The following SDK1 variants were observed in gnomAD, a reference collection of about 807,000 sequenced individuals.
The protein encoded by SDK1 is sidekick cell adhesion molecule 1.
Under a neutral mutation model 245.5 loss-of-function variants are expected in SDK1, and 157 were observed. That is an observed-to-expected ratio of 0.64 (90% CI 0.56 to 0.73). The LOEUF (loss-of-function observed/expected upper bound fraction) is 0.73, where lower values mean the gene tolerates loss of function less well. Among genes scored for constraint, SDK1 ranks in the 30% least tolerant of loss-of-function variants. The pLI is 0.00. For synonymous variants in SDK1, 1,647 were observed against 1,278.5 expected, an observed-to-expected ratio of 1.29 and a Z score of -6.15; for missense variants, 3,583 against 3,002.3, an observed-to-expected ratio of 1.19 and a Z score of -4.52.
intron 5 of SDK1, among the ~76,000 whole-genome samples, chr7:3,895,305 A>G (rs371123529): frequency 6.6e-6 from 1 of 152,190 alleles, no homozygotes; most frequent in East Asian, 1.9e-4. Flanking sequence ...TGGTGCTTTC[A>G]TCTTTATAGA....
At chr7:3,340,429 G>C (rs1430236613) in intron 1 of SDK1, among the ~76,000 whole-genome samples, 1 of 152,152 alleles carries the variant, frequency 6.6e-6, no homozygotes, top group Non-Finnish European at 1.5e-5. Context: ...GCTGAAAGCA[G>C]CGTTGTCACT....
In SDK1 at chr7:3,694,828, T is replaced by G. The variant is rs150570887; in HGVS notation, c.713+52723T>G. Among the ~76,000 whole-genome samples the G allele has an allele frequency of 5.0e-3, 763 of 152,264 alleles. 8 individuals carry two copies. The highest frequency in any genetic ancestry group is 0.017 in the African/African-American group (718 of 41,556). ...CATTGCACTAGAACAGGATTCTTAA[T>G]AGTGACATGCAGGCCTTACTGAAAA... On this transcript the variant is annotated intron_variant, in intron 4 of 44. Transcript: ENST00000404826.
intron 2 of SDK1, among the ~76,000 whole-genome samples, chr7:3,630,668 A>T (rs538717627): frequency 2.0e-5 from 3 of 152,302 alleles, no homozygotes; most frequent in African/African-American, 7.2e-5. Context: ...GTACAAAAAA[A>T]TCTGAAGTAA....
chr7:3,448,633 A>G (rs765799180), intron 1 of SDK1, among the ~76,000 whole-genome samples: 3 of 152,164 alleles, frequency 2.0e-5, no homozygotes, highest in Non-Finnish European at 4.4e-5. Flanking sequence ...ACTTCTATAT[A>G]TGGTGAGATA....
At chr7:4,139,567 G>GTGTGTGTGTGTGTGTATATGTA (rs1562871990) in intron 28 of SDK1, among the ~76,000 whole-genome samples, 1 of 12,290 alleles carries the variant, frequency 8.1e-5, no homozygotes, top group African/African-American at 3.4e-4. Flanking sequence ...ATATATGTGT[G>GTGTGTGTGTGTGTGTATATGTA]TATATGTGTG....
rs186522294 is a variant in SDK1, at chr7:3,623,628, T to G, written c.458+4389T>G. ...AGCAAGTTGACGGTAATTCAGCAAT[T>G]AAACTAAGTTTGCATAGATATCTTA... is the stretch of plus-strand genomic sequence containing the variant. On this transcript the variant is annotated intron_variant, in intron 2 of 44. Transcript: ENST00000404826. Among the ~76,000 whole-genome samples, 13 of 152,342 alleles carry G rather than the reference T, an allele frequency of 8.5e-5. No individual in the cohort carries two copies. In the South Asian group the frequency reaches 2.7e-3, roughly 32 times the overall value.
intron 5 of SDK1, among the ~76,000 whole-genome samples, chr7:3,848,004 C>G (rs35261333): frequency 6.6e-6 from 1 of 152,158 alleles, no homozygotes; most frequent in African/African-American, 2.4e-5. Context: ...ATACGTATCA[C>G]ATCTACCCAT....
At chr7:3,582,277 C>G (rs538841216) in intron 1 of SDK1, among the ~76,000 whole-genome samples, 1 of 151,108 alleles carries the variant, frequency 6.6e-6, no homozygotes, top group South Asian at 2.1e-4. Flanking sequence ...AGGTCTCCCT[C>G]AGGTAGGTCT....
chr7:4,033,078 C>T (rs1023778832), intron 17 of SDK1, among the ~76,000 whole-genome samples: 1 of 152,144 alleles, frequency 6.6e-6, no homozygotes, highest in Non-Finnish European at 1.5e-5. Context: ...TTGTAAAGTG[C>T]TGTAACTAAA....
intron 1 of SDK1, among the ~76,000 whole-genome samples, chr7:3,383,934 C>G (rs1781549562): frequency 6.6e-6 from 1 of 152,148 alleles, no homozygotes; most frequent in Non-Finnish European, 1.5e-5. Context: ...ACAACACATT[C>G]TTACATTTCA....
At chr7:4,183,749 C>T (rs7793543) in intron 35 of SDK1, among the ~76,000 whole-genome samples, 1 of 152,112 alleles carries the variant, frequency 6.6e-6, no homozygotes, top group Non-Finnish European at 1.5e-5. Flanking sequence ...GCAGTTTCCA[C>T]CCCCAAACGA....
intron 1 of SDK1, among the ~76,000 whole-genome samples, chr7:3,575,059 C>T (rs1780241419): frequency 6.6e-6 from 1 of 152,018 alleles, no homozygotes; most frequent in Non-Finnish European, 1.5e-5. Context: ...TCCTTTGCCT[C>T]TTACAAGACA....
intron 1 of SDK1, among the ~76,000 whole-genome samples, chr7:3,595,452 A>G (rs532687233): frequency 1.7e-4 from 26 of 152,182 alleles, no homozygotes; most frequent in African/African-American, 5.5e-4. Flanking sequence ...TAAGAGGCAT[A>G]TTTGTATGTA....
rs56704431 is a variant in SDK1 at position 3,630,560 on chromosome 7, C to T, written c.459-8444C>T. The stretch of plus-strand genomic sequence containing the variant: ...TTGAGGCAGGAGAATCCCTTGAACC[C>T]AGGAGGCAGAGATTGCAGTGAGCCG... On this transcript the variant is annotated intron_variant, in intron 2 of 44. Coordinates refer to ENST00000404826, the MANE Select transcript of SDK1 (RefSeq NM_152744.4). Among the ~76,000 whole-genome samples the T allele has an allele frequency of 3.2e-3, 480 of 152,202 alleles. 19 individuals are homozygous for T. In the East Asian group the frequency reaches 0.066, roughly 21 times the overall value.
Position 4,241,841 on chromosome 7 carries a change from G to A in SDK1, c.6179G>A (p.Gly2060Glu), listed in dbSNP as rs778883941. Residue 2060 changes from glycine (G) to glutamate (E), a missense_variant, in exon 43 of 45, where the codon GGA becomes GAA. Transcript: ENST00000404826. ...MEESVTLDNG[G>E]FAALELSSRH... Reference sequence around the variant, plus strand: ...GAGTCTGTGACCCTGGACAACGGAGGATTTGCTGCCCTGGAGCTCAGCAGC... The same window carrying A: ...GAGTCTGTGACCCTGGACAACGGAGAATTTGCTGCCCTGGAGCTCAGCAGC... 10 of 1,614,028 alleles carry A rather than the reference G, an allele frequency of 6.2e-6. No individual in the cohort carries two copies. In the Admixed American group the frequency reaches 1.7e-4, roughly 27 times the overall value.
chr7:4,136,236 G>A (rs1779081972), intron 28 of SDK1, among the ~76,000 whole-genome samples: 1 of 152,210 alleles, frequency 6.6e-6, no homozygotes, highest in Non-Finnish European at 1.5e-5. Flanking sequence ...TGTTGTCCGG[G>A]TAACCTGTCA....
At chr7:3,646,065 G>A (rs1782825540) in intron 4 of SDK1, among the ~76,000 whole-genome samples, 1 of 152,038 alleles carries the variant, frequency 6.6e-6, no homozygotes, top group Non-Finnish European at 1.5e-5. Context: ...CACCATGCTG[G>A]CCAGGCTGGT....
At chr7:4,189,482 C>T (rs1359773243) in intron 35 of SDK1, among the ~76,000 whole-genome samples, 1 of 152,236 alleles carries the variant, frequency 6.6e-6, no homozygotes, top group African/African-American at 2.4e-5. Context: ...GCCGAGTGTC[C>T]AGCACTGTGG....
Position 4,135,420 on chromosome 7 carries a change from G to C in SDK1, c.4228+2997G>C, listed in dbSNP as rs577817929. Among the ~76,000 whole-genome samples the C allele has an allele frequency of 6.6e-5, 10 of 152,332 alleles. No individual in the cohort carries two copies. In the South Asian group the frequency reaches 8.3e-4, roughly 13 times the overall value. ...CTTCGCCCTAGAGAAATTCTTGCCT[G>C]TGTGCACAAGGAGAAACGTACAAGG... On this transcript the variant is annotated intron_variant, in intron 28 of 44. Coordinates refer to ENST00000404826, the MANE Select transcript of SDK1 (RefSeq NM_152744.4).
Sources: gnomAD v4.1 joint callset for allele counts (sites outside exome capture counted in the v4.1 genomes callset) on GRCh38, gnomAD v4.1.1 for gene constraint, MANE v1.5 for transcripts, NCBI Gene and HGNC (gene_info 2026-07-23, HGNC 2026-07-21) for gene names.